The following SNX3 variants were observed in gnomAD, a reference collection of about 807,000 sequenced individuals.
The protein encoded by SNX3 is sorting nexin-3.
A neutral mutation model predicts 17.7 loss-of-function variants in SNX3; 5 were observed. That is an observed-to-expected ratio of 0.28 (90% confidence interval 0.15 to 0.59). SNX3 has a LOEUF of 0.59. Ranked by LOEUF, SNX3 falls within the 20% of genes least tolerant of loss-of-function variation. The pLI is 0.88. For synonymous variants in SNX3, 91 were observed against 76.5 expected, an observed-to-expected ratio of 1.19 and a Z score of -0.99; for missense variants, 132 against 206.8, an observed-to-expected ratio of 0.64 and a Z score of 2.22.
At chr6:108,249,997 G>A (rs959387716) in intron 1 of SNX3, among the ~76,000 whole-genome samples, 8 of 152,012 alleles carry the variant, frequency 5.3e-5, no homozygotes, top group Admixed American at 3.9e-4. Flanking sequence ...TGTAACCTCC[G>A]CCCCCAGGGT....
chr6:108,253,393 C>CTTTTTT (rs369223904), intron 1 of SNX3, among the ~76,000 whole-genome samples: 4 of 123,468 alleles, frequency 3.2e-5, no homozygotes, highest in African/African-American at 1.2e-4. Flanking sequence ...ATACATATGT[C>CTTTTTT]TTTTTTTTTT....
chr6:108,230,899 T>C (rs1388969164), intron 1 of SNX3, among the ~76,000 whole-genome samples: 2 of 152,238 alleles, frequency 1.3e-5, no homozygotes, highest in African/African-American at 4.8e-5. Flanking sequence ...AAACATGCCT[T>C]TGTTAATTGT....
chr6:108,226,512 T>G (rs1774978543), intron 1 of SNX3, among the ~76,000 whole-genome samples: 1 of 152,230 alleles, frequency 6.6e-6, no homozygotes, highest in Non-Finnish European at 1.5e-5. Context: ...GTCCGTTAAT[T>G]CAGACTTTGA....
chr6:108,260,055 A>T (rs1215449248), intron 1 of SNX3, among the ~76,000 whole-genome samples: 1 of 152,218 alleles, frequency 6.6e-6, no homozygotes, highest in African/African-American at 2.4e-5. Flanking sequence ...TGATTTCTTT[A>T]TTCAATTAAG....
chr6:108,245,361 T>C (rs1395392541), intron 1 of SNX3, among the ~76,000 whole-genome samples: 4 of 152,206 alleles, frequency 2.6e-5, no homozygotes, highest in Non-Finnish European at 5.9e-5. Context: ...CTATCATTGA[T>C]AGGCATTTGG....
chr6:108,246,158 G>A (rs556443841), intron 1 of SNX3, among the ~76,000 whole-genome samples: 3 of 151,946 alleles, frequency 2.0e-5, no homozygotes, highest in Non-Finnish European at 4.4e-5. Context: ...TTCTACATAT[G>A]GCTAGCCAGT....
intron 1 of SNX3, among the ~76,000 whole-genome samples, chr6:108,236,746 T>C (rs1477518930): frequency 3.3e-5 from 5 of 152,162 alleles, no homozygotes; most frequent in Admixed American, 6.6e-5. Context: ...GAAGTATTAC[T>C]TGGAAAACTA....
intron 1 of SNX3, among the ~76,000 whole-genome samples, chr6:108,245,419 C>T (rs1315163641): frequency 1.3e-5 from 2 of 152,110 alleles, no homozygotes; most frequent in Admixed American, 6.5e-5. Context: ...AATAAACATA[C>T]GTGTGCATGT....
chr6:108,242,180 G>C (rs1054991644), intron 1 of SNX3, among the ~76,000 whole-genome samples: 2 of 152,120 alleles, frequency 1.3e-5, no homozygotes, highest in Non-Finnish European at 2.9e-5. Context: ...AGAATGAACA[G>C]AGCATCAGGG....
intron 1 of SNX3, among the ~76,000 whole-genome samples, chr6:108,257,978 A>G (rs545481121): frequency 6.6e-6 from 1 of 152,272 alleles, no homozygotes; most frequent in East Asian, 1.9e-4. Context: ...GAATAAAAAT[A>G]AAAATAAAAA....
Position 108,260,966 on chromosome 6 carries a change from C to G in SNX3, c.-45G>C. 6.9e-7 allele frequency: 1 copy of G among 1,451,596 alleles called. No homozygotes were observed. Among genetic ancestry groups the G allele is most frequent in the Non-Finnish European group, 9.0e-7 (1 of 1,107,968 alleles). The allele number at this position is 1,451,596 out of a possible 1,614,324, so 89.9% of individuals were successfully genotyped here. A position where few individuals can be genotyped will look rare whatever the true frequency, so the allele number is the denominator to read the frequency against. On this transcript the variant is annotated 5_prime_UTR_variant, in exon 1 of 4. Coordinates refer to ENST00000230085, the MANE Select transcript of SNX3 (RefSeq NM_003795.6). ...CCGCCGCGGGCTCCCTCCGCCCCCT[C>G]CGCGTTCAGCCGCCGCCGCCGCCGC...
rs1774418191 is a variant in SNX3, at chr6:108,211,933, AAG to A, written c.*214_*215del. On this transcript the variant is annotated 3_prime_UTR_variant, in exon 4 of 4. Transcript: ENST00000230085. ...TGTGCACCACATTAAAACAGCAAGA[AAG>A]AGCTATTTATATAGAAAGGCTGGAA... The A allele has an allele frequency of 6.7e-6, 3 of 445,960 alleles. No homozygotes were observed. The South Asian group carries it at 7.7e-5, about 12-fold the overall frequency. 27.6% of individuals were successfully genotyped at this position (445,960 alleles called of 1,614,324 possible).
intron 1 of SNX3, among the ~76,000 whole-genome samples, chr6:108,245,629 CTTT>C (rs780720812): frequency 1.3e-5 from 2 of 152,206 alleles, no homozygotes; most frequent in Non-Finnish European, 2.9e-5. Flanking sequence ...TGTTTCCTGA[CTTT>C]TTAACGACTG....
chr6:108,224,369 C>T (rs974846224), intron 1 of SNX3, among the ~76,000 whole-genome samples: 4 of 152,156 alleles, frequency 2.6e-5, no homozygotes, highest in Admixed American at 6.5e-5. Context: ...AGATCTCCGC[C>T]GCCTGGGTTC....
chr6:108,247,192 T>C (rs966633857), intron 1 of SNX3, among the ~76,000 whole-genome samples: 12 of 152,120 alleles, frequency 7.9e-5, no homozygotes, highest in African/African-American at 2.9e-4. Flanking sequence ...CCTTCCATGC[T>C]TGTAAGTTTC....
chr6:108,228,853 A>C (rs1309951178), intron 1 of SNX3, among the ~76,000 whole-genome samples: 10 of 152,242 alleles, frequency 6.6e-5, no homozygotes, highest in South Asian at 2.1e-4. Flanking sequence ...AAAAAACCCC[A>C]AAAAAGACCA....
chr6:108,251,671 A>G (rs1775864095), intron 1 of SNX3, among the ~76,000 whole-genome samples: 1 of 152,264 alleles, frequency 6.6e-6, no homozygotes, highest in South Asian at 2.1e-4. Context: ...ATCTGAGAAC[A>G]GCCCAAACTC....
At chr6:108,236,492 T>G (rs1461911231) in intron 1 of SNX3, among the ~76,000 whole-genome samples, 1 of 149,804 alleles carries the variant, frequency 6.7e-6, no homozygotes, top group Non-Finnish European at 1.5e-5. Flanking sequence ...CACGCCATTC[T>G]CCTGCCTCAG....
At chr6:108,222,335 A>C in intron 2 of SNX3, 3 of 1,303,922 alleles carry the variant, frequency 2.3e-6, no homozygotes, top group Non-Finnish European at 3.0e-6. Flanking sequence ...AATGAGAGAC[A>C]CCAGAGTGAG....
Sources: allele counts gnomAD v4.1 joint callset (sites outside exome capture counted in the v4.1 genomes callset), GRCh38; gene constraint gnomAD v4.1.1; transcripts MANE v1.5; gene names NCBI Gene and HGNC (gene_info 2026-07-23, HGNC 2026-07-21).